The following RAD51B variants were observed in gnomAD, a reference collection of about 807,000 sequenced individuals.
RAD51B encodes DNA repair protein RAD51 homolog 2.
A neutral mutation model predicts 42.2 loss-of-function variants in RAD51B; 38 were observed. The observed-to-expected ratio is 0.90, with a 90% CI of 0.70 to 1.18. RAD51B has a LOEUF of 1.18. Among genes scored for constraint, RAD51B ranks in the 50% most tolerant of loss-of-function variants. The probability of loss-of-function intolerance (pLI) is 0.00; values close to 1 mark genes in which losing one functional copy is unlikely to be tolerated. For missense variants in RAD51B, 373 were observed against 400.7 expected, an observed-to-expected ratio of 0.93 and a Z score of 0.59; for synonymous variants, 154 against 145.2, an observed-to-expected ratio of 1.06 and a Z score of -0.43.
intron 8 of RAD51B, among the ~76,000 whole-genome samples, chr14:68,385,714 T>C (rs2139999284): frequency 6.6e-6 from 1 of 152,342 alleles, no homozygotes; most frequent in East Asian, 1.9e-4. Flanking sequence ...TTGACCTCTC[T>C]GGACTTCAGT....
chr14:68,613,593 A>G (rs1420165203), downstream of RAD51B, among the ~76,000 whole-genome samples: 3 of 151,760 alleles, frequency 2.0e-5, no homozygotes, highest in African/African-American at 7.3e-5. Flanking sequence ...AGCTGGGACT[A>G]CAGGAGCCCA....
chr14:67,909,376 C>T (rs1280842069), intron 7 of RAD51B, among the ~76,000 whole-genome samples: 1 of 152,254 alleles, frequency 6.6e-6, no homozygotes, highest in African/African-American at 2.4e-5. Context: ...TGTGGGAAAA[C>T]GGATACTGCT....
intron 4 of RAD51B, among the ~76,000 whole-genome samples, chr14:67,845,385 G>A (rs190337533): frequency 6.6e-6 from 1 of 152,148 alleles, no homozygotes; most frequent in East Asian, 1.9e-4. Context: ...TTCTTGGTTG[G>A]GGCTGGGTGT....
intron 8 of RAD51B, among the ~76,000 whole-genome samples, chr14:68,324,810 T>C (rs1046475184): frequency 8.5e-5 from 13 of 152,238 alleles, no homozygotes; most frequent in Non-Finnish European, 1.9e-4. Context: ...TATCTACTCA[T>C]GCTTTACTTC....
intron 7 of RAD51B, among the ~76,000 whole-genome samples, chr14:67,992,164 A>T (rs1033705145): frequency 1.3e-5 from 2 of 152,194 alleles, no homozygotes; most frequent in Non-Finnish European, 2.9e-5. Context: ...ATAAGCTTCA[A>T]GCACATCCAG....
At chr14:68,524,832 A>G (rs1339319041) in intron 10 of RAD51B, among the ~76,000 whole-genome samples, 1 of 152,238 alleles carries the variant, frequency 6.6e-6, no homozygotes, top group South Asian at 2.1e-4. Context: ...CAGGTCTCCA[A>G]CGATTTCTCT....
chr14:68,195,763 C>G (rs886693544), intron 7 of RAD51B, among the ~76,000 whole-genome samples: 1 of 151,668 alleles, frequency 6.6e-6, no homozygotes, highest in Non-Finnish European at 1.5e-5. Context: ...ACAAAATTAG[C>G]CAGGCATGGT....
chr14:68,026,973 G>T (rs1013379052), intron 7 of RAD51B, among the ~76,000 whole-genome samples: 3 of 152,126 alleles, frequency 2.0e-5, no homozygotes, highest in African/African-American at 7.2e-5. Flanking sequence ...TGTGGTAACA[G>T]GTGTCATTCT....
intron 7 of RAD51B, among the ~76,000 whole-genome samples, chr14:68,289,250 T>A (rs1035612103): frequency 6.6e-6 from 1 of 152,208 alleles, no homozygotes; most frequent in Non-Finnish European, 1.5e-5. Flanking sequence ...ATATTTACTA[T>A]GTGTCAGATA....
At chr14:68,515,887 G>A (rs1446575021) in intron 10 of RAD51B, among the ~76,000 whole-genome samples, 4 of 150,042 alleles carry the variant, frequency 2.7e-5, no homozygotes, top group Admixed American at 6.7e-5. Flanking sequence ...CCAGGTTCAT[G>A]CCATTCTCCT....
chr14:68,197,052 C>G (rs1203474007), intron 7 of RAD51B, among the ~76,000 whole-genome samples: 1 of 152,052 alleles, frequency 6.6e-6, no homozygotes, highest in African/African-American at 2.4e-5. Flanking sequence ...GATACTAACT[C>G]AAGGAAATGC....
At position 67,893,436 on chromosome 14, in the gene RAD51B, AAGACCTC is replaced by A. The variant is rs1194429695; in HGVS notation, c.756+6234_756+6240del. Among the ~76,000 whole-genome samples, 4 of 149,922 alleles carry A rather than the reference AAGACCTC, an allele frequency of 2.7e-5. No individual in the cohort carries two copies. The Admixed American group carries it at 2.7e-4, about 10-fold the overall frequency. ...TAGAGACCAGACTGTGCAACATAGC[AAGACCTC>A]ATCTTCTCACACACACAGACACAGA... On this transcript the variant is annotated intron_variant, in intron 7 of 10. Coordinates refer to ENST00000471583, the MANE Select transcript of RAD51B (RefSeq NM_133510.4).
At chr14:68,394,042 G>A (rs1274225120) in intron 8 of RAD51B, among the ~76,000 whole-genome samples, 1 of 152,190 alleles carries the variant, frequency 6.6e-6, no homozygotes, top group African/African-American at 2.4e-5. Context: ...CAGGCAGAAG[G>A]TGGCTCCCTC....
intron 7 of RAD51B, among the ~76,000 whole-genome samples, chr14:67,925,652 G>C (rs758633244): frequency 6.6e-6 from 1 of 152,184 alleles, no homozygotes; most frequent in Non-Finnish European, 1.5e-5. Context: ...TAGGGACTCT[G>C]TATGGGGGCT....
At chr14:68,089,015 T>G (rs866971519) in intron 7 of RAD51B, among the ~76,000 whole-genome samples, 3 of 152,108 alleles carry the variant, frequency 2.0e-5, no homozygotes, top group Non-Finnish European at 2.9e-5. Flanking sequence ...AAAAACAAGT[T>G]TAAAAAAAAT....
In RAD51B at chr14:68,146,313, G is replaced by A. The variant is rs36111142; in HGVS notation, c.757-145571G>A. On this transcript the variant is annotated intron_variant, in intron 7 of 10. Transcript: ENST00000471583. ...AAAAATACAAAAAATTAGTGGATAT[G>A]ATGACGTGCACCTGTAGTCCCAGCT... Among the ~76,000 whole-genome samples the A allele has an allele frequency of 3.1e-3, 465 of 152,192 alleles. 1 individual carries two copies. Among genetic ancestry groups the A allele is most frequent in the African/African-American group, 0.011 (450 of 41,506 alleles).
At chr14:68,619,213 G>A (rs760827490) in intron 10 of RAD51B, among the ~76,000 whole-genome samples, 1 of 152,152 alleles carries the variant, frequency 6.6e-6, no homozygotes, top group African/African-American at 2.4e-5. Context: ...GGTGGCTCAC[G>A]CCTGTAATCC....
chr14:68,334,553 A>G (rs1313424132), intron 8 of RAD51B, among the ~76,000 whole-genome samples: 1 of 152,136 alleles, frequency 6.6e-6, no homozygotes, highest in Non-Finnish European at 1.5e-5. Context: ...GCTTTATTGA[A>G]AAAATCCATA....
intron 10 of RAD51B, among the ~76,000 whole-genome samples, chr14:68,601,089 T>G (rs541118955): frequency 1.3e-5 from 2 of 152,230 alleles, no homozygotes; most frequent in South Asian, 4.1e-4. Context: ...TAAGTTCCCA[T>G]GTAGTCCAAG....
Sources: gnomAD v4.1 joint callset for allele counts (sites outside exome capture counted in the v4.1 genomes callset) on GRCh38, gnomAD v4.1.1 for gene constraint, MANE v1.5 for transcripts, NCBI Gene and HGNC (gene_info 2026-07-23, HGNC 2026-07-21) for gene names.